The following DIAPH1 variants were observed in gnomAD, a reference collection of about 807,000 sequenced individuals.
The protein encoded by DIAPH1 is protein diaphanous homolog 1.
Under a neutral mutation model 140.7 loss-of-function variants are expected in DIAPH1, and 46 were observed. That is an observed-to-expected ratio of 0.33 (90% CI 0.26 to 0.42). The LOEUF (loss-of-function observed/expected upper bound fraction) is 0.42, where lower values mean the gene tolerates loss of function less well. Ranked by LOEUF, DIAPH1 falls within the 10% of genes least tolerant of loss-of-function variation. The pLI, the probability that DIAPH1 is intolerant of heterozygous loss-of-function variation, is 1.00. For synonymous variants in DIAPH1, 565 were observed against 551.6 expected (o/e 1.02, Z -0.34); for missense variants, 1,310 against 1,558.7 (o/e 0.84, Z 2.69).
intron 18 of DIAPH1, chr5:141,564,117 C>A (rs2099894012): frequency 6.6e-6 from 1 of 152,174 alleles, no homozygotes; most frequent in Non-Finnish European, 1.5e-5. Flanking sequence ...GACTAAAGAA[C>A]AAAAACCTTT....
intron 27 of DIAPH1, chr5:141,518,952 AG>A: frequency 6.4e-7 from 1 of 1,550,714 alleles, no homozygotes; most frequent in Non-Finnish European, 8.7e-7. Context: ...ACCAATTTAA[AG>A]GTCTCCTCCT....
chr5:141,520,793 T>C (rs551044928), intron 27 of DIAPH1, among the ~76,000 whole-genome samples: 22 of 152,346 alleles, frequency 1.4e-4, no homozygotes, highest in Non-Finnish European at 3.2e-4. Flanking sequence ...TGCTGTCTCC[T>C]GTTCAATCAC....
chr5:141,552,367 A>G (rs1596359353), intron 18 of DIAPH1, among the ~76,000 whole-genome samples: 2 of 152,222 alleles, frequency 1.3e-5, no homozygotes, highest in East Asian at 1.9e-4. Context: ...AAGGATTCTT[A>G]TAAGAAGGAG....
At chr5:141,536,013 C>T (rs999625473) in intron 18 of DIAPH1, 2 of 468,452 alleles carry the variant, frequency 4.3e-6, no homozygotes, top group African/African-American at 4.1e-5. Context: ...AACACATTCA[C>T]TCTTGGCTGG....
Position 141,529,634 on chromosome 5 carries a change from T to A in DIAPH1, c.2645A>T (p.Asn882Ile), listed in dbSNP as rs750058263. ...QEIKNVILEVNEAVLTESMIQ... is the reference protein window; with the variant it reads ...QEIKNVILEVIEAVLTESMIQ... ...CATAGACTCAGTCAGAACAGCCTCA[T>A]TCACCTCCAGGATGACATTCTTAAT... Residue 882 changes from asparagine to isoleucine, a missense_variant, in exon 20 of 28, where the codon AAT (asparagine) becomes ATT (isoleucine). By Grantham distance (149) the Asn-to-Ile change is moderately radical. Around this residue, in one of 3 missense-constraint regions of DIAPH1, gnomAD observed 344 missense variants for 512.2 expected, o/e 0.67. Transcript: ENST00000389054. 5 of 1,614,150 alleles carry A rather than the reference T, an allele frequency of 3.1e-6. No individual in the cohort carries two copies. Among genetic ancestry groups the A allele is most frequent in the African/African-American group, 1.3e-5 (1 of 75,048 alleles).
intron 27 of DIAPH1, chr5:141,518,694 G>GT: frequency 1.9e-6 from 1 of 523,528 alleles, no homozygotes; most frequent in Non-Finnish European, 3.4e-6. Context: ...GGCTATTTTT[G>GT]TATTTTTTTG....
At chr5:141,529,936 T>C (rs1324228432) in intron 19 of DIAPH1, among the ~76,000 whole-genome samples, 1 of 151,916 alleles carries the variant, frequency 6.6e-6, no homozygotes. Context: ...ATACAAAAAC[T>C]AGCCAGGCGT....
intron 1 of DIAPH1, among the ~76,000 whole-genome samples, chr5:141,599,684 C>G (rs756654307): frequency 3.3e-5 from 5 of 152,194 alleles, no homozygotes; most frequent in Non-Finnish European, 5.9e-5. Context: ...CTACTTCTCT[C>G]TTTTCTGACA....
At chr5:141,588,668 T>G (rs1338991400) in intron 1 of DIAPH1, among the ~76,000 whole-genome samples, 1 of 152,160 alleles carries the variant, frequency 6.6e-6, no homozygotes, top group African/African-American at 2.4e-5. Flanking sequence ...CAGGAACTCT[T>G]GGTGGTACTA....
chr5:141,558,021 G>A (rs939065503), intron 18 of DIAPH1, among the ~76,000 whole-genome samples: 1 of 152,132 alleles, frequency 6.6e-6, no homozygotes, highest in Non-Finnish European at 1.5e-5. Flanking sequence ...ACAGTAAAGC[G>A]AAGGGAAAGG....
rs190054518 is a variant in DIAPH1 at position 141,579,634 on chromosome 5, T to C, written c.825-438A>G. Among the ~76,000 whole-genome samples, 26 of 152,246 alleles carry C rather than the reference T, an allele frequency of 1.7e-4. No homozygotes were observed. In the East Asian group the frequency reaches 2.1e-3, roughly 12 times the overall value. ...TGTAAAAATGATCACCTAGAACAGA[T>C]AGTGAAATCTGCTTTAAAAAATATC... On this transcript the variant is annotated intron_variant, in intron 8 of 27. Transcript: ENST00000389054.
At chr5:141,592,891 G>A (rs532944073) in intron 1 of DIAPH1, among the ~76,000 whole-genome samples, 1 of 152,290 alleles carries the variant, frequency 6.6e-6, no homozygotes, top group South Asian at 2.1e-4. Flanking sequence ...GGTAAAAGAT[G>A]TCAGACTGAA....
intron 16 of DIAPH1, among the ~76,000 whole-genome samples, chr5:141,572,261 A>G (rs1405453077): frequency 2.0e-5 from 3 of 152,200 alleles, no homozygotes; most frequent in Non-Finnish European, 4.4e-5. Context: ...ATTCATATAT[A>G]TACTACGTAT....
chr5:141,567,566 G>A (rs927158950), intron 18 of DIAPH1, among the ~76,000 whole-genome samples: 7 of 152,082 alleles, frequency 4.6e-5, no homozygotes, highest in Non-Finnish European at 1.0e-4. Flanking sequence ...GAAACTGATG[G>A]AACAGACATC....
intron 1 of DIAPH1, among the ~76,000 whole-genome samples, chr5:141,606,961 TA>T (rs200373966): frequency 0.021 from 2,479 of 116,222 alleles, 67 homozygotes; most frequent in East Asian, 0.093. Flanking sequence ...CCAAGGCTAT[TA>T]AAAAAAAAAA....
intron 19 of DIAPH1, 79 bp from the exon 20 acceptor site, chr5:141,529,776 A>G: frequency 7.8e-7 from 1 of 1,288,744 alleles, no homozygotes; most frequent in Non-Finnish European, 1.1e-6. Flanking sequence ...CCTATGCTGG[A>G]TAATCTTCCT....
chr5:141,526,572 A>T (rs2099887356), intron 24 of DIAPH1, 111 bp from the exon 25 acceptor site: 1 of 1,335,656 alleles, frequency 7.5e-7, no homozygotes, highest in African/African-American at 1.4e-5. Flanking sequence ...TGTTCAATAC[A>T]GCACTGTTTA....
intron 27 of DIAPH1, among the ~76,000 whole-genome samples, chr5:141,519,181 T>C (rs1161699340): frequency 6.6e-6 from 1 of 152,188 alleles, no homozygotes; most frequent in Non-Finnish European, 1.5e-5. Flanking sequence ...AGTGTGACTA[T>C]GATGGTCTAC....
intron 18 of DIAPH1, chr5:141,563,998 G>A (rs2154596027): frequency 6.6e-6 from 1 of 152,250 alleles, no homozygotes; most frequent in Non-Finnish European, 1.5e-5. Context: ...GACAGAGATG[G>A]GATTATGAGT....
Sources: allele counts gnomAD v4.1 joint callset (sites outside exome capture counted in the v4.1 genomes callset), GRCh38; gene constraint gnomAD v4.1.1; regional missense constraint gnomAD v4.1.1; transcripts MANE v1.5; gene names NCBI Gene and HGNC (gene_info 2026-07-23, HGNC 2026-07-21).